The following GRM8 variants were observed in gnomAD, a reference collection of about 807,000 sequenced individuals.
GRM8 encodes metabotropic glutamate receptor 8.
GRM8 carries 47 observed loss-of-function variants against 87.2 expected under a neutral mutation model. The ratio of observed to expected loss-of-function variants is 0.54; its 90% CI spans 0.43 to 0.69. The LOEUF (loss-of-function observed/expected upper bound fraction) is 0.69, where lower values mean the gene tolerates loss of function less well. GRM8 is among the 30% of genes least tolerant of loss of function. The pLI is 0.00. For synonymous variants in GRM8, 396 were observed against 404.5 expected, an observed-to-expected ratio of 0.98 and a Z score of 0.25; for missense variants, 1,019 against 1,139.2, an observed-to-expected ratio of 0.89 and a Z score of 1.52.
In GRM8 at chr7:126,527,673, C is replaced by T. The variant is rs6971541; in HGVS notation, c.2430+5279G>A. 2.3e-3 allele frequency among the ~76,000 whole-genome samples: 356 copies of T among 152,288 alleles called. 3 individuals carry two copies. The highest frequency in any genetic ancestry group is 8.3e-3 in the African/African-American group (343 of 41,564). On this transcript the variant is annotated intron_variant, in intron 9 of 10. Coordinates refer to ENST00000339582, the MANE Select transcript of GRM8 (RefSeq NM_000845.3). ...AATTTTATTACTAATCTCCAAACTACCTCTCGAATATTAGAATTATTCACA... is the reference window on the plus strand; with the variant it reads ...AATTTTATTACTAATCTCCAAACTATCTCTCGAATATTAGAATTATTCACA...
At chr7:127,062,383 G>A (rs1820692743) in intron 3 of GRM8, among the ~76,000 whole-genome samples, 1 of 152,116 alleles carries the variant, frequency 6.6e-6, no homozygotes, top group South Asian at 2.1e-4. Context: ...AAGGAATGGT[G>A]TAATAAAAGC....
At chr7:126,974,849 T>C (rs1383436808) in intron 3 of GRM8, among the ~76,000 whole-genome samples, 1 of 143,342 alleles carries the variant, frequency 7.0e-6, no homozygotes, top group African/African-American at 2.6e-5. Context: ...GGCAGGAGAA[T>C]GTCGTGAACT....
At chr7:127,134,859 C>A (rs182912411) in intron 2 of GRM8, among the ~76,000 whole-genome samples, 2 of 152,114 alleles carry the variant, frequency 1.3e-5, no homozygotes, top group African/African-American at 4.8e-5. Context: ...GAGCTCTGAA[C>A]ATAAGTCTGC....
rs533840036 is a variant in GRM8, at chr7:126,712,911, A to G, written c.1357+56954T>C. 8.5e-5 allele frequency among the ~76,000 whole-genome samples: 13 copies of G among 152,358 alleles called. 1 individual carries two copies. In the South Asian group the frequency reaches 2.7e-3, roughly 32 times the overall value. On this transcript the variant is annotated intron_variant, in intron 7 of 10. Transcript: ENST00000339582. ...CCACAACGAGACACCATCTCACGCC[A>G]GTTAGAATGGTGATCATTAAAAAGT...
intron 2 of GRM8, among the ~76,000 whole-genome samples, chr7:127,204,204 T>A (rs1795778430): frequency 1.3e-5 from 2 of 152,240 alleles, no homozygotes; most frequent in Non-Finnish European, 2.9e-5. Context: ...TCAAGCTGTT[T>A]GTACAAGACT....
intron 2 of GRM8, among the ~76,000 whole-genome samples, chr7:127,116,326 C>T (rs1207678190): frequency 6.6e-6 from 1 of 152,172 alleles, no homozygotes; most frequent in Non-Finnish European, 1.5e-5. Context: ...CCAATACATA[C>T]ACTTCTTCTA....
chr7:127,045,137 C>T (rs1035662240), intron 3 of GRM8, among the ~76,000 whole-genome samples: 4 of 152,188 alleles, frequency 2.6e-5, no homozygotes, highest in Non-Finnish European at 5.9e-5. Flanking sequence ...AATCTTTTAT[C>T]AACTCAAATG....
At chr7:126,518,273 C>T (rs778105558) in intron 9 of GRM8, among the ~76,000 whole-genome samples, 6 of 152,024 alleles carry the variant, frequency 3.9e-5, no homozygotes, top group Non-Finnish European at 8.8e-5. Flanking sequence ...ATCAGTCTTC[C>T]AGCTTGTGGC....
intron 3 of GRM8, among the ~76,000 whole-genome samples, chr7:127,004,225 A>G (rs1452980795): frequency 6.6e-6 from 1 of 151,676 alleles, no homozygotes; most frequent in East Asian, 1.9e-4. Flanking sequence ...TTCAATTACT[A>G]TAGCTCTAGA....
intron 6 of GRM8, among the ~76,000 whole-genome samples, chr7:126,862,223 T>C (rs1336389742): frequency 6.6e-6 from 1 of 151,996 alleles, no homozygotes; most frequent in Non-Finnish European, 1.5e-5. Flanking sequence ...TATCCTCTCC[T>C]CACTGATTTT....
chr7:126,515,840 T>C (rs1812089533), intron 9 of GRM8, among the ~76,000 whole-genome samples: 1 of 152,068 alleles, frequency 6.6e-6, no homozygotes, highest in Admixed American at 6.6e-5. Context: ...CTTGATTCCA[T>C]CTATTACTTT....
intron 3 of GRM8, among the ~76,000 whole-genome samples, chr7:126,967,448 C>T (rs934923985): frequency 4.6e-5 from 7 of 152,094 alleles, no homozygotes; most frequent in Non-Finnish European, 7.4e-5. Flanking sequence ...AAATAACCCA[C>T]ACTTTATTTC....
intron 9 of GRM8, among the ~76,000 whole-genome samples, chr7:126,499,908 T>C (rs1288686522): frequency 2.1e-5 from 1 of 47,564 alleles, no homozygotes; most frequent in Non-Finnish European, 3.7e-5. Context: ...GTATTCTATA[T>C]ATACAATTAC....
intron 2 of GRM8, among the ~76,000 whole-genome samples, chr7:127,188,375 C>T (rs1202817703): frequency 6.6e-6 from 1 of 152,078 alleles, no homozygotes; most frequent in East Asian, 1.9e-4. Flanking sequence ...CTTAGCTTTG[C>T]TGCAGTTTCT....
chr7:127,076,405 A>C (rs1822261288), intron 3 of GRM8, among the ~76,000 whole-genome samples: 1 of 152,212 alleles, frequency 6.6e-6, no homozygotes. Context: ...ATCAGCAATG[A>C]ATAGTTACTA....
intron 8 of GRM8, among the ~76,000 whole-genome samples, chr7:126,580,668 T>C (rs997078255): frequency 1.2e-4 from 18 of 152,162 alleles, no homozygotes; most frequent in Admixed American, 1.2e-3. Context: ...AATAAGCAAC[T>C]TATTGTTAAT....
At chr7:126,647,227 C>A (rs1803213524) in intron 7 of GRM8, among the ~76,000 whole-genome samples, 2 of 151,772 alleles carry the variant, frequency 1.3e-5, no homozygotes, top group South Asian at 4.1e-4. Context: ...CCCCCTAAAT[C>A]AACAAATGTA....
At chr7:126,688,899 TCA>T (rs1032127153) in intron 7 of GRM8, among the ~76,000 whole-genome samples, 21 of 152,274 alleles carry the variant, frequency 1.4e-4, no homozygotes, top group African/African-American at 5.1e-4. Flanking sequence ...AAAAAAAGGT[TCA>T]CACCTTTTTT....
chr7:126,802,270 A>G (rs768139611), intron 6 of GRM8, among the ~76,000 whole-genome samples: 2 of 152,142 alleles, frequency 1.3e-5, no homozygotes, highest in African/African-American at 2.4e-5. Context: ...GTGATGTACT[A>G]TAGATGTTTT....
Sources: allele counts gnomAD v4.1 joint callset (sites outside exome capture counted in the v4.1 genomes callset), GRCh38; gene constraint gnomAD v4.1.1; transcripts MANE v1.5; gene names NCBI Gene and HGNC (gene_info 2026-07-23, HGNC 2026-07-21).